Variants in GABRA1 observed in about 807,000 individuals in gnomAD.
GABRA1 encodes gamma-aminobutyric acid type A receptor subunit alpha1.
In GABRA1, 9 loss-of-function variants were observed where a neutral mutation model predicts 48.9. The ratio of observed to expected loss-of-function variants is 0.18; its 90% CI spans 0.11 to 0.32. The LOEUF is 0.32. Ranked by LOEUF, GABRA1 falls within the 10% of genes least tolerant of loss-of-function variation. The probability of loss-of-function intolerance (pLI) is 1.00; values close to 1 mark genes in which losing one functional copy is unlikely to be tolerated. For synonymous variants in GABRA1, 210 were observed against 198.7 expected (o/e 1.06, Z -0.48); for missense variants, 285 against 553.8 (o/e 0.51, Z 4.87).
intron 9 of GABRA1, 40 bp from the exon 10 acceptor site, chr5:161,897,071 C>T (rs770077438): frequency 1.3e-6 from 2 of 1,598,836 alleles, no homozygotes; most frequent in East Asian, 2.2e-5. Flanking sequence ...TTGCTTCTCA[C>T]TGTTTACTAA....
intron 7 of GABRA1, among the ~76,000 whole-genome samples, chr5:161,886,787 T>C (rs1209994830): frequency 6.6e-6 from 1 of 151,664 alleles, no homozygotes; most frequent in Non-Finnish European, 1.5e-5. Flanking sequence ...AAAATAATAA[T>C]AATAAAAATA....
chr5:161,850,946 G>C, intron 2 of GABRA1, 62 bp downstream of exon 2: 2 of 1,413,270 alleles, frequency 1.4e-6, no homozygotes, highest in Non-Finnish European at 2.0e-6. Context: ...TATTTTATCG[G>C]GGGAAGAAAA....
intron 7 of GABRA1, among the ~76,000 whole-genome samples, chr5:161,886,256 G>A (rs1171200676): frequency 6.6e-6 from 1 of 151,988 alleles, no homozygotes; most frequent in Non-Finnish European, 1.5e-5. Context: ...GTTGCTAAGA[G>A]TATGAACCCT....
At chr5:161,882,901 CTGTT>C (rs769328839) in intron 7 of GABRA1, among the ~76,000 whole-genome samples, 200 bp downstream of exon 7, 27 of 152,232 alleles carry the variant, frequency 1.8e-4, no homozygotes, top group Non-Finnish European at 2.4e-4. Context: ...GCCTCTGTTT[CTGTT>C]TGTTTGTTTG....
chr5:161,892,284 A>G (rs1755126418), intron 8 of GABRA1, among the ~76,000 whole-genome samples: 1 of 152,228 alleles, frequency 6.6e-6, no homozygotes, highest in African/African-American at 2.4e-5. Context: ...AAGCCTTAAG[A>G]AGCTTATAGT....
intron 8 of GABRA1, among the ~76,000 whole-genome samples, chr5:161,891,905 A>G (rs951367912): frequency 1.3e-5 from 2 of 152,212 alleles, no homozygotes; most frequent in African/African-American, 2.4e-5. Context: ...ACTAGGCGCT[A>G]TTCTATACAA....
At chr5:161,873,479 C>G in intron 5 of GABRA1, 142 bp downstream of exon 5, 2 of 743,056 alleles carry the variant, frequency 2.7e-6, no homozygotes, top group South Asian at 1.5e-5. Context: ...ATCTCTCCAA[C>G]CTGTTCTAAT....
chr5:161,861,516 T>C (rs1307345806), intron 3 of GABRA1, among the ~76,000 whole-genome samples: 1 of 151,838 alleles, frequency 6.6e-6, no homozygotes, highest in Non-Finnish European at 1.5e-5. Context: ...TCATCTGAGT[T>C]CTTGGAATCC....
At chr5:161,856,862 G>A (rs1317353250) in intron 3 of GABRA1, among the ~76,000 whole-genome samples, 2 of 151,174 alleles carry the variant, frequency 1.3e-5, no homozygotes, top group Non-Finnish European at 3.0e-5. Flanking sequence ...ACCAGCCATA[G>A]ACTTAGAGAA....
intron 4 of GABRA1, among the ~76,000 whole-genome samples, chr5:161,869,119 G>A (rs1245042465): frequency 6.6e-6 from 1 of 152,120 alleles, no homozygotes; most frequent in African/African-American, 2.4e-5. Context: ...AGAAGAAGCA[G>A]CATGATTTAG....
intron 6 of GABRA1, among the ~76,000 whole-genome samples, chr5:161,878,973 AACACAGAG>A (rs1445422126): frequency 6.6e-6 from 1 of 152,220 alleles, no homozygotes; most frequent in African/African-American, 2.4e-5. Flanking sequence ...TACAAATGGA[AACACAGAG>A]ACTCATAAAA....
chr5:161,880,257 A>G (rs1754554694), intron 6 of GABRA1, among the ~76,000 whole-genome samples: 2 of 152,210 alleles, frequency 1.3e-5, no homozygotes, highest in Admixed American at 6.5e-5. Flanking sequence ...TGAACATTCA[A>G]TCATTCCATG....
chr5:161,854,288 A>G lies in GABRA1; in HGVS notation c.187+18A>G, dbSNP rs1757559324. 2 of 1,334,352 alleles carry G rather than the reference A, an allele frequency of 1.5e-6. No individual in the cohort carries two copies. The highest frequency in any genetic ancestry group is 2.2e-6 in the Non-Finnish European group (2 of 925,024). The allele number at this position is 1,334,352 out of a possible 1,614,324, so 82.7% of individuals were successfully genotyped here. On this transcript the variant is annotated intron_variant, in intron 3 of 9. Transcript: ENST00000393943. ...ATTGGGAGGTAGGTTGCATTATTGT[A>G]TTTTTGTTTTAGAGAATAATATGAG... is the stretch of plus-strand genomic sequence containing the variant.
Position 161,883,239 on chromosome 5 carries a change from G to GT in GABRA1, c.703+539dup, listed in dbSNP as rs575222812. Among the ~76,000 whole-genome samples, 192 of 152,238 alleles carry GT rather than the reference G, an allele frequency of 1.3e-3. 1 individual carries two copies. Among genetic ancestry groups the GT allele is most frequent in the Admixed American group, 2.0e-3 (31 of 15,286 alleles). Reference sequence around the variant, plus strand: ...GCCAATTCCTTCTACAAATTCGTTTGTATCTCTAACCAAGCATCTTCCGCA... The same window carrying GT: ...GCCAATTCCTTCTACAAATTCGTTTGTTATCTCTAACCAAGCATCTTCCGCA... On this transcript the variant is annotated intron_variant, in intron 7 of 9. Coordinates refer to ENST00000393943, the MANE Select transcript of GABRA1 (RefSeq NM_001127644.2).
chr5:161,862,702 G>T (rs1348703820), intron 3 of GABRA1, among the ~76,000 whole-genome samples: 1 of 151,904 alleles, frequency 6.6e-6, no homozygotes, highest in Admixed American at 6.6e-5. Flanking sequence ...CTAGAAGAGT[G>T]CCTAAGTGGC....
chr5:161,862,736 T>C lies in GABRA1; in HGVS notation c.188-2985T>C, dbSNP rs575897395. On this transcript the variant is annotated intron_variant, in intron 3 of 9. Transcript: ENST00000393943. ...GCACATAGAAAATGTTTAATAAACA[T>C]TTATTACTAAATTAATGTACGCAAT... is the stretch of plus-strand genomic sequence containing the variant. Among the ~76,000 whole-genome samples, 10 of 152,112 alleles carry C rather than the reference T, an allele frequency of 6.6e-5. No individual in the cohort carries two copies. The South Asian group carries it at 1.4e-3, about 22-fold the overall frequency.
At chr5:161,863,170 T>C (rs1055398534) in intron 3 of GABRA1, among the ~76,000 whole-genome samples, 6 of 152,016 alleles carry the variant, frequency 3.9e-5, no homozygotes, top group South Asian at 2.1e-4. Context: ...TATATATATA[T>C]ACACATATAC....
intron 3 of GABRA1, among the ~76,000 whole-genome samples, chr5:161,862,641 A>G (rs977814500): frequency 1.3e-5 from 2 of 151,956 alleles, no homozygotes; most frequent in Admixed American, 1.3e-4. Flanking sequence ...GTGGTTTGCT[A>G]CAGAGGAACA....
chr5:161,850,575 A>G (rs2113292288), intron 1 of GABRA1: 2 of 592,456 alleles, frequency 3.4e-6, no homozygotes, highest in Non-Finnish European at 6.0e-6. Context: ...GTATTCTTTT[A>G]CAGGAGAATA....
Sources: allele counts gnomAD v4.1 joint callset (sites outside exome capture counted in the v4.1 genomes callset), GRCh38; gene constraint gnomAD v4.1.1; transcripts MANE v1.5; gene names NCBI Gene and HGNC (gene_info 2026-07-23, HGNC 2026-07-21).